The following PALMD variants were observed in gnomAD, a reference collection of about 807,000 sequenced individuals.
PALMD encodes the protein palmdelphin.
A neutral mutation model predicts 56.2 loss-of-function variants in PALMD; 42 were observed. The observed-to-expected ratio is 0.75, with a 90% CI of 0.58 to 0.97. PALMD has a LOEUF of 0.97. Ranked by LOEUF, PALMD falls within the 50% of genes least tolerant of loss-of-function variation. The probability of loss-of-function intolerance (pLI) is 0.00; values close to 1 mark genes in which losing one functional copy is unlikely to be tolerated. For missense variants in PALMD, 660 were observed against 643.8 expected (o/e 1.03, Z -0.27); for synonymous variants, 242 against 222.9 (o/e 1.09, Z -0.76).
intron 6 of PALMD, among the ~76,000 whole-genome samples, chr1:99,688,311 T>C (rs147342870): frequency 2.2e-4 from 34 of 152,290 alleles, no homozygotes; most frequent in African/African-American, 7.5e-4. Context: ...ACAACAAGGA[T>C]GTAACTTTAT....
intron 3 of PALMD, chr1:99,683,952 CT>C (rs1653430700): frequency 6.6e-6 from 1 of 152,218 alleles, no homozygotes; most frequent in Non-Finnish European, 1.5e-5. Context: ...TCAAATGACA[CT>C]TTATCAGAGA....
chr1:99,676,493 A>G (rs1409572135), intron 3 of PALMD, among the ~76,000 whole-genome samples: 3 of 152,128 alleles, frequency 2.0e-5, no homozygotes, highest in African/African-American at 7.2e-5. Flanking sequence ...TCATCAGCCA[A>G]TATATTCATT....
chr1:99,666,503 C>T (rs376541630), intron 2 of PALMD, among the ~76,000 whole-genome samples: 1 of 151,392 alleles, frequency 6.6e-6, no homozygotes, highest in South Asian at 2.1e-4. Flanking sequence ...AAAAACACAC[C>T]CACACACAAA....
At chr1:99,661,861 C>A (rs1158079496) in intron 1 of PALMD, among the ~76,000 whole-genome samples, 1 of 152,156 alleles carries the variant, frequency 6.6e-6, no homozygotes, top group Non-Finnish European at 1.5e-5. Context: ...CAATTTCCAA[C>A]TTCCTAGTTT....
chr1:99,687,808 G>A (rs1653542471), intron 6 of PALMD, among the ~76,000 whole-genome samples: 1 of 152,170 alleles, frequency 6.6e-6, no homozygotes, highest in South Asian at 2.1e-4. Flanking sequence ...GGTAGGGAGT[G>A]CAATACAGAG....
At chr1:99,662,186 A>T (rs1194166434) in intron 1 of PALMD, 133 bp from the exon 2 acceptor site, 1 of 615,642 alleles carries the variant, frequency 1.6e-6, no homozygotes, top group Non-Finnish European at 2.9e-6. Flanking sequence ...TTGAAATAGG[A>T]GTTTCCAAAG....
At position 99,689,612 on chromosome 1, in the gene PALMD, A is replaced by C. The variant is rs373750521; in HGVS notation, c.1352A>C (p.Glu451Ala). 67 of 1,613,836 alleles carry C rather than the reference A, an allele frequency of 4.2e-5. No individual in the cohort carries two copies. The South Asian group carries it at 6.7e-4, about 16-fold the overall frequency. ...GAGCTGGTTGTGATTGATGATGAGG[A>C]GGAGGAGGATGAAGGAGAAGCAGAG... is the stretch of plus-strand genomic sequence containing the variant. ...HAELVVIDDE[E>A]EEDEGEAEKP... Residue 451 changes from glutamate (E) to alanine (A), a missense_variant, in exon 7 of 8, where the codon GAG (glutamate) becomes GCG (alanine). Transcript: ENST00000263174.
At chr1:99,685,855 CTA>C (rs971792973) in intron 3 of PALMD, 5 of 152,164 alleles carry the variant, frequency 3.3e-5, no homozygotes, top group Admixed American at 2.6e-4. Flanking sequence ...GCCAGTGTCT[CTA>C]TGTTTTTATA....
At chr1:99,681,156 T>TAGAGAGAGAG (rs1399667607) in intron 3 of PALMD, among the ~76,000 whole-genome samples, 2,461 of 151,596 alleles carry the variant, frequency 0.016, 77 homozygotes, top group African/African-American at 0.057. Context: ...TATATATGTA[T>TAGAGAGAGAG]AGAGCCCGGA....
chr1:99,680,683 T>C (rs1236762022), intron 3 of PALMD, among the ~76,000 whole-genome samples: 3 of 152,134 alleles, frequency 2.0e-5, no homozygotes, highest in Admixed American at 6.5e-5. Context: ...CATGTGAAAG[T>C]TAGAGAGTTA....
chr1:99,655,839 G>A (rs774830986), intron 1 of PALMD, among the ~76,000 whole-genome samples: 3 of 152,050 alleles, frequency 2.0e-5, no homozygotes, highest in African/African-American at 4.8e-5. Flanking sequence ...AAGTAGAAAC[G>A]GAATCATATT....
intron 2 of PALMD, among the ~76,000 whole-genome samples, chr1:99,664,609 C>CA (rs998715397): frequency 3.3e-5 from 5 of 151,956 alleles, no homozygotes; most frequent in African/African-American, 9.7e-5. Context: ...CCAAGTTTTG[C>CA]AAAAAATAGT....
chr1:99,652,253 A>C (rs1652602995), intron 1 of PALMD, among the ~76,000 whole-genome samples: 1 of 152,214 alleles, frequency 6.6e-6, no homozygotes, highest in African/African-American at 2.4e-5. Context: ...TGACCACAGC[A>C]TCATGACAAA....
intron 5 of PALMD, 46 bp from the exon 6 acceptor site, chr1:99,687,030 T>C (rs1275640803): frequency 6.6e-7 from 1 of 1,517,450 alleles, no homozygotes; most frequent in East Asian, 2.3e-5. Context: ...TTGTTCCCAT[T>C]GTAAATATAT....
At chr1:99,661,799 A>C (rs537903093) in intron 1 of PALMD, among the ~76,000 whole-genome samples, 11 of 152,294 alleles carry the variant, frequency 7.2e-5, no homozygotes, top group African/African-American at 2.6e-4. Flanking sequence ...GCACTATCTA[A>C]ACTATTTTCC....
chr1:99,657,996 C>T (rs1409721989), intron 1 of PALMD, among the ~76,000 whole-genome samples: 1 of 152,150 alleles, frequency 6.6e-6, no homozygotes, highest in African/African-American at 2.4e-5. Context: ...ACATGTATTA[C>T]TACTAAAGTT....
At chr1:99,648,634 A>C (rs548798565) in intron 1 of PALMD, among the ~76,000 whole-genome samples, 79 of 152,168 alleles carry the variant, frequency 5.2e-4, no homozygotes, top group African/African-American at 1.8e-3. Context: ...ACCCAGACAT[A>C]GCAACACATA....
intron 1 of PALMD, among the ~76,000 whole-genome samples, chr1:99,652,715 GAA>G (rs1157995626): frequency 1.0e-5 from 1 of 97,054 alleles, no homozygotes; most frequent in Non-Finnish European, 2.3e-5. Context: ...GAAAAGAAAA[GAA>G]AAGAAAAGAA....
chr1:99,664,663 T>C (rs1163255673), intron 2 of PALMD, among the ~76,000 whole-genome samples: 1 of 152,158 alleles, frequency 6.6e-6, no homozygotes, highest in East Asian at 1.9e-4. Context: ...AAAATGGGGT[T>C]CAAAATGTGC....
Sources: allele counts gnomAD v4.1 joint callset (sites outside exome capture counted in the v4.1 genomes callset), GRCh38; gene constraint gnomAD v4.1.1; transcripts MANE v1.5; gene names NCBI Gene and HGNC (gene_info 2026-07-23, HGNC 2026-07-21).